RERE: variants seen among roughly 807,000 people sequenced by gnomAD.
RERE encodes arginine-glutamic acid dipeptide repeats protein.
Under a neutral mutation model 146.1 loss-of-function variants are expected in RERE, and 40 were observed. The observed-to-expected ratio is 0.27, with a 90% CI of 0.21 to 0.36. The LOEUF (loss-of-function observed/expected upper bound fraction) is 0.36, where lower values mean the gene tolerates loss of function less well. RERE is among the 10% of genes least tolerant of loss of function. The pLI, the probability that RERE is intolerant of heterozygous loss-of-function variation, is 1.00. For synonymous variants in RERE, 1,003 were observed against 866.0 expected, an observed-to-expected ratio of 1.16 and a Z score of -2.78; for missense variants, 1,933 against 2,138.7, an observed-to-expected ratio of 0.90 and a Z score of 1.90.
At chr1:8,478,643 G>C (rs1644792116) in intron 10 of RERE, among the ~76,000 whole-genome samples, 1 of 152,186 alleles carries the variant, frequency 6.6e-6, no homozygotes. Flanking sequence ...GTCCAGTGGG[G>C]CTGGGCTCTG....
intron 1 of RERE, among the ~76,000 whole-genome samples, chr1:8,657,920 T>C (rs1472776625): frequency 6.6e-6 from 1 of 152,188 alleles, no homozygotes; most frequent in Non-Finnish European, 1.5e-5. Flanking sequence ...CTTTCGGGAA[T>C]ATTAAGTGGT....
At chr1:8,516,755 C>T (rs1645425180) in intron 7 of RERE, among the ~76,000 whole-genome samples, 1 of 152,148 alleles carries the variant, frequency 6.6e-6, no homozygotes, top group African/African-American at 2.4e-5. Flanking sequence ...ATCCCTTTCC[C>T]TATTTTGGTT....
intron 1 of RERE, among the ~76,000 whole-genome samples, chr1:8,684,083 G>GT (rs982402816): frequency 6.6e-6 from 1 of 152,116 alleles, no homozygotes; most frequent in Non-Finnish European, 1.5e-5. Context: ...TTAAATGCCA[G>GT]TTTTTTTGGT....
chr1:8,394,800 T>C (rs1440118193), intron 12 of RERE, among the ~76,000 whole-genome samples: 1 of 152,160 alleles, frequency 6.6e-6, no homozygotes, highest in Admixed American at 6.5e-5. Context: ...TACTAGTATA[T>C]ATATATATTA....
Position 8,361,842 on chromosome 1 carries a change from C to G in RERE, c.1937G>C (p.Ser646Thr), listed in dbSNP as rs746756596. The stretch of plus-strand genomic sequence containing the variant: ...CACCTTCTCCCGCTGGCGTTTGTTA[C>G]TCTTAAGAGGGGAAGAGGCTTCCTC... The part of the protein sequence containing the change: ...VKEEASSPLK[S>T]NKRQREKVAS... Residue 646 changes from serine (S) to threonine (T), a missense_variant, in exon 17 of 23, where the codon AGT becomes ACT. By Grantham distance (58) the Ser-to-Thr change is moderately conservative. Transcript: ENST00000400908. 7 of 1,613,964 alleles carry G rather than the reference C, an allele frequency of 4.3e-6. No homozygotes were observed. Among genetic ancestry groups the G allele is most frequent in the Non-Finnish European group, 5.9e-6 (7 of 1,179,938 alleles).
chr1:8,812,593 C>A (rs1276677272), intron 1 of RERE, among the ~76,000 whole-genome samples: 1 of 152,126 alleles, frequency 6.6e-6, no homozygotes, highest in African/African-American at 2.4e-5. Context: ...TTGCAGTGAG[C>A]CGAGATCGTG....
At chr1:8,506,044 A>G (rs994497335) in intron 8 of RERE, among the ~76,000 whole-genome samples, 2 of 152,040 alleles carry the variant, frequency 1.3e-5, no homozygotes, top group African/African-American at 4.8e-5. Context: ...TAGGAACTAC[A>G]TTTTCTTTTA....
chr1:8,513,158 C>G (rs1370449165), intron 7 of RERE: 1 of 151,896 alleles, frequency 6.6e-6, no homozygotes, highest in East Asian at 1.9e-4. Context: ...AAGCTTATTA[C>G]AAAAAATAAA....
At chr1:8,528,522 C>G (rs1570394728) in intron 7 of RERE, among the ~76,000 whole-genome samples, 1 of 152,190 alleles carries the variant, frequency 6.6e-6, no homozygotes, top group South Asian at 2.1e-4. Flanking sequence ...GGTGTGATGT[C>G]TATATTTCAT....
At chr1:8,758,855 CAA>C (rs35540947) in intron 1 of RERE, among the ~76,000 whole-genome samples, 2 of 137,478 alleles carry the variant, frequency 1.5e-5, no homozygotes, top group African/African-American at 2.7e-5. Context: ...GTCCTCACCA[CAA>C]AAAAAAAAAA....
intron 4 of RERE, among the ~76,000 whole-genome samples, chr1:8,558,077 A>G (rs956752688): frequency 6.6e-6 from 1 of 152,218 alleles, no homozygotes; most frequent in Non-Finnish European, 1.5e-5. Context: ...AAATGAATAT[A>G]GCGAAGAATG....
intron 11 of RERE, among the ~76,000 whole-genome samples, chr1:8,437,568 C>A (rs1416081641): frequency 6.6e-6 from 1 of 152,038 alleles, no homozygotes; most frequent in Non-Finnish European, 1.5e-5. Context: ...GGTAATGGGC[C>A]CCACCACAAG....
intron 1 of RERE, among the ~76,000 whole-genome samples, chr1:8,699,496 G>C (rs897341004): frequency 6.6e-6 from 1 of 152,024 alleles, no homozygotes; most frequent in Non-Finnish European, 1.5e-5. Flanking sequence ...ACTATTTCAT[G>C]GATTAATTAG....
At chr1:8,639,752 T>A (rs1401583285) in intron 2 of RERE, among the ~76,000 whole-genome samples, 1 of 152,202 alleles carries the variant, frequency 6.6e-6, no homozygotes, top group East Asian at 1.9e-4. Flanking sequence ...TTTTGTGACA[T>A]TTCCTTTCCC....
intron 1 of RERE, among the ~76,000 whole-genome samples, chr1:8,674,031 C>A: frequency 6.6e-6 from 1 of 151,964 alleles, no homozygotes; most frequent in East Asian, 1.9e-4. Flanking sequence ...AGACCTATCT[C>A]AAAAATAAAT....
intron 2 of RERE, among the ~76,000 whole-genome samples, chr1:8,635,928 T>A (rs184609773): frequency 6.6e-6 from 1 of 151,020 alleles, no homozygotes; most frequent in Admixed American, 6.6e-5. Flanking sequence ...CAACTGTATG[T>A]CTTCAATTAT....
intron 11 of RERE, among the ~76,000 whole-genome samples, chr1:8,443,086 G>T (rs1644271226): frequency 6.6e-6 from 1 of 152,192 alleles, no homozygotes; most frequent in Non-Finnish European, 1.5e-5. Context: ...ACAAAGAAAT[G>T]ACTTGAAGTT....
At chr1:8,579,407 AGG>A (rs1359306882) in intron 4 of RERE, among the ~76,000 whole-genome samples, 1 of 152,224 alleles carries the variant, frequency 6.6e-6, no homozygotes, top group Non-Finnish European at 1.5e-5. Flanking sequence ...AGGGAATTGT[AGG>A]AAATCATTTT....
intron 11 of RERE, chr1:8,424,854 G>C (rs951635456): frequency 2.6e-5 from 4 of 152,618 alleles, no homozygotes; most frequent in African/African-American, 9.7e-5. Flanking sequence ...GGCTCCAGCA[G>C]GGCTTCCAGC....
Sources: gnomAD v4.1 joint callset for allele counts (sites outside exome capture counted in the v4.1 genomes callset) on GRCh38, gnomAD v4.1.1 for gene constraint, MANE v1.5 for transcripts, NCBI Gene and HGNC (gene_info 2026-07-23, HGNC 2026-07-21) for gene names.